Variants in FAM174A observed in about 807,000 individuals in gnomAD.
The protein encoded by FAM174A is membrane protein FAM174A.
In FAM174A, 14 loss-of-function variants were observed where a neutral mutation model predicts 14.3. The ratio of observed to expected loss-of-function variants is 0.98; its 90% CI spans 0.65 to 1.53. The LOEUF (loss-of-function observed/expected upper bound fraction) is 1.53, where lower values mean the gene tolerates loss of function less well. FAM174A is among the 40% of genes most tolerant of loss of function. The probability of loss-of-function intolerance (pLI) is 0.00; values close to 1 mark genes in which losing one functional copy is unlikely to be tolerated. For missense variants in FAM174A, 241 were observed against 249.6 expected (o/e 0.97, Z 0.23); for synonymous variants, 108 against 111.4 (o/e 0.97, Z 0.19).
Position 100,566,333 on chromosome 5 carries a change from A to C in FAM174A, c.569+4145A>C, listed in dbSNP as rs181795914. On this transcript the variant is annotated intron_variant, in intron 2 of 2. Coordinates refer to ENST00000312637, the MANE Select transcript of FAM174A (RefSeq NM_198507.3). ...AGAAAGACAGATATTGCATTATCTCACTTATATATGGAATCTAAATAGTCA... is the reference window on the plus strand; with the variant it reads ...AGAAAGACAGATATTGCATTATCTCCCTTATATATGGAATCTAAATAGTCA... 5.9e-5 allele frequency among the ~76,000 whole-genome samples: 9 copies of C among 151,518 alleles called. No homozygotes were observed. The East Asian group carries it at 1.8e-3, about 29-fold the overall frequency.
chr5:100,585,250 C>T (rs573059756), intron 2 of FAM174A, among the ~76,000 whole-genome samples: 19 of 152,184 alleles, frequency 1.2e-4, no homozygotes, highest in African/African-American at 3.1e-4. Flanking sequence ...ACATATCTCT[C>T]GACTGCAAAT....
At chr5:100,540,933 A>G (rs1746037436) in intron 1 of FAM174A, among the ~76,000 whole-genome samples, 1 of 152,144 alleles carries the variant, frequency 6.6e-6, no homozygotes, top group African/African-American at 2.4e-5. Flanking sequence ...CCCTGATACT[A>G]TCCACCTTAG....
At position 100,562,771 on chromosome 5, in the gene FAM174A, G is replaced by A. The variant is rs141928734; in HGVS notation, c.569+583G>A. On this transcript the variant is annotated intron_variant, in intron 2 of 2. Transcript: ENST00000312637. The stretch of plus-strand genomic sequence containing the variant: ...TTGTTTATGGTCTGATCATGTAGCT[G>A]TAATATATATACTGAGATCTATTCT... Among the ~76,000 whole-genome samples, 916 of 151,922 alleles carry A rather than the reference G, an allele frequency of 6.0e-3. 5 individuals are homozygous for A. The highest frequency in any genetic ancestry group is 0.014 in the South Asian group (66 of 4,822).
At chr5:100,553,112 T>C (rs1746297695) in intron 1 of FAM174A, among the ~76,000 whole-genome samples, 1 of 152,110 alleles carries the variant, frequency 6.6e-6, no homozygotes, top group African/African-American at 2.4e-5. Flanking sequence ...CACATATAGA[T>C]GAGTTTGAGT....
chr5:100,555,193 C>G (rs953210416), intron 1 of FAM174A, among the ~76,000 whole-genome samples: 7 of 151,890 alleles, frequency 4.6e-5, no homozygotes, highest in Non-Finnish European at 7.4e-5. Context: ...GTTTTTTGTC[C>G]TTGCGACAGT....
At chr5:100,566,451 T>C (rs1241721857) in intron 2 of FAM174A, among the ~76,000 whole-genome samples, 3 of 151,544 alleles carry the variant, frequency 2.0e-5, no homozygotes, top group Non-Finnish European at 4.4e-5. Flanking sequence ...ATTTTAGTTA[T>C]GCAAAATGAG....
At chr5:100,573,440 G>A (rs1419756612) in intron 2 of FAM174A, among the ~76,000 whole-genome samples, 1 of 152,110 alleles carries the variant, frequency 6.6e-6, no homozygotes, top group South Asian at 2.1e-4. Flanking sequence ...TAAGGTGTAA[G>A]GAAGGGATCC....
chr5:100,574,190 A>AT (rs34951975), intron 2 of FAM174A, among the ~76,000 whole-genome samples: 1 of 151,766 alleles, frequency 6.6e-6, no homozygotes, highest in African/African-American at 2.4e-5. Context: ...ATTTATTTTT[A>AT]TTTTTTTTAT....
chr5:100,571,672 GTATATA>G (rs529767869), intron 2 of FAM174A, among the ~76,000 whole-genome samples: 1 of 136,650 alleles, frequency 7.3e-6, no homozygotes, highest in Admixed American at 7.6e-5. Flanking sequence ...GTGTGTGTGT[GTATATA>G]TATATATATA....
intron 2 of FAM174A, chr5:100,581,250 A>C (rs1477435371): frequency 1.1e-5 from 5 of 453,416 alleles, no homozygotes; most frequent in Non-Finnish European, 1.5e-5. Flanking sequence ...TTTTTGAGTC[A>C]ACCAGTCTAC....
At chr5:100,580,030 G>A (rs1039743106) in intron 2 of FAM174A, among the ~76,000 whole-genome samples, 3 of 152,138 alleles carry the variant, frequency 2.0e-5, no homozygotes, top group Middle Eastern at 3.4e-3. Flanking sequence ...AAAAAAATTC[G>A]CTTCAGTGGT....
chr5:100,569,886 T>C (rs1483386358), intron 2 of FAM174A, among the ~76,000 whole-genome samples: 1 of 151,816 alleles, frequency 6.6e-6, no homozygotes, highest in Non-Finnish European at 1.5e-5. Flanking sequence ...GTCTTAGATA[T>C]GGAGTTGGGA....
At chr5:100,583,567 A>G (rs1161490279) in intron 2 of FAM174A, among the ~76,000 whole-genome samples, 1 of 151,830 alleles carries the variant, frequency 6.6e-6, no homozygotes. Context: ...TTTTCTGTTC[A>G]TTGTTCCATT....
intron 1 of FAM174A, among the ~76,000 whole-genome samples, chr5:100,558,606 A>G (rs1580370045): frequency 6.6e-6 from 1 of 152,210 alleles, no homozygotes; most frequent in East Asian, 1.9e-4. Flanking sequence ...GACTTGCTTT[A>G]TGAATCTGGG....
intron 2 of FAM174A, among the ~76,000 whole-genome samples, chr5:100,578,552 C>A (rs1206180337): frequency 6.6e-6 from 1 of 152,146 alleles, no homozygotes; most frequent in Non-Finnish European, 1.5e-5. Context: ...AGAATTCAGG[C>A]TTCCCTTCTA....
intron 2 of FAM174A, chr5:100,581,357 A>G: frequency 1.0e-6 from 1 of 984,970 alleles, no homozygotes; most frequent in Non-Finnish European, 1.2e-6. Flanking sequence ...ACTGCTGTGG[A>G]ATTCCTGAGA....
rs991987171 is a variant in FAM174A at position 100,535,942 on chromosome 5, T to C, written c.412T>C (p.Tyr138His). The C allele has an allele frequency of 2.5e-6, 4 of 1,595,558 alleles. No homozygotes were observed. The South Asian group carries it at 4.4e-5, about 18-fold the overall frequency. Residue 138 changes from tyrosine (Y) to histidine (H), a missense_variant, in exon 1 of 3, where the codon TAC (tyrosine) becomes CAC (histidine). Transcript: ENST00000312637. ...LMVVSGAVLV[Y>H]FVVRTVRMRR... ...GGTGGTGAGCGGCGCGGTGCTGGTG[T>C]ACTTCGTGGTCAGGACGGTCAGGTG...
In FAM174A at chr5:100,540,206, A is replaced by G. The variant is rs1421897172; in HGVS notation, c.434+4242A>G. ...CTAGAAGTCTTGTGGTACCAGCCCT[A>G]TTTACAAAATTATAAAACATCCATA... On this transcript the variant is annotated intron_variant, in intron 1 of 2. Coordinates refer to ENST00000312637, the MANE Select transcript of FAM174A (RefSeq NM_198507.3). 2.0e-5 allele frequency among the ~76,000 whole-genome samples: 3 copies of G among 152,290 alleles called. No individual in the cohort carries two copies. The East Asian group carries it at 5.8e-4, about 29-fold the overall frequency.
At chr5:100,572,408 C>G (rs1160334417) in intron 2 of FAM174A, among the ~76,000 whole-genome samples, 6 of 149,334 alleles carry the variant, frequency 4.0e-5, no homozygotes, top group South Asian at 2.1e-4. Context: ...CGCCTCCCCC[C>G]ACCCCACAAC....
Sources: gnomAD v4.1 joint callset for allele counts (sites outside exome capture counted in the v4.1 genomes callset) on GRCh38, gnomAD v4.1.1 for gene constraint, MANE v1.5 for transcripts, NCBI Gene and HGNC (gene_info 2026-07-23, HGNC 2026-07-21) for gene names.